DCDC1: variants seen among roughly 807,000 people sequenced by gnomAD.
DCDC1 encodes the protein doublecortin domain-containing protein 1.
DCDC1 carries 200 observed loss-of-function variants against 178.3 expected under a neutral mutation model. The ratio of observed to expected loss-of-function variants is 1.12; its 90% CI spans 1.00 to 1.26. The LOEUF (loss-of-function observed/expected upper bound fraction) is 1.26, where lower values mean the gene tolerates loss of function less well. DCDC1 is among the 50% of genes most tolerant of loss of function. The pLI is 0.00. For missense variants in DCDC1, 1,983 were observed against 1,749.2 expected (o/e 1.13, Z -2.38); for synonymous variants, 690 against 604.8 (o/e 1.14, Z -2.07).
At chr11:31,005,957 A>AC (rs1951819270) in intron 20 of DCDC1, among the ~76,000 whole-genome samples, 2 of 145,492 alleles carry the variant, frequency 1.4e-5, no homozygotes, top group South Asian at 4.3e-4. Context: ...TTCCTGAAAA[A>AC]AAAAAAAAAA....
intron 38 of DCDC1, among the ~76,000 whole-genome samples, chr11:30,875,585 C>G (rs1942043471): frequency 6.6e-6 from 1 of 151,884 alleles, no homozygotes. Flanking sequence ...TCACAAATCT[C>G]TCAATGGCAC....
At chr11:31,055,465 T>C (rs1955523092) in intron 20 of DCDC1, among the ~76,000 whole-genome samples, 1 of 152,142 alleles carries the variant, frequency 6.6e-6, no homozygotes, top group Non-Finnish European at 1.5e-5. Context: ...GAACTAAAAG[T>C]AGAACTACCA....
chr11:31,024,862 G>A (rs2135232702), intron 20 of DCDC1, among the ~76,000 whole-genome samples: 1 of 151,924 alleles, frequency 6.6e-6, no homozygotes, highest in African/African-American at 2.4e-5. Flanking sequence ...ATGAAATATG[G>A]TTTATTTAGC....
intron 7 of DCDC1, among the ~76,000 whole-genome samples, chr11:31,284,199 G>A (rs545077659): frequency 2.0e-5 from 3 of 152,220 alleles, no homozygotes; most frequent in East Asian, 3.9e-4. Flanking sequence ...GGAAATAATG[G>A]TTATGTTAAA....
intron 11 of DCDC1, among the ~76,000 whole-genome samples, chr11:31,115,996 T>TGGGGGGGG (rs1555066794): frequency 2.1e-3 from 96 of 44,900 alleles, no homozygotes; most frequent in Admixed American, 3.6e-3. Flanking sequence ...GGGGGGGGGA[T>TGGGGGGGG]GGGTATCTCA....
At chr11:31,254,546 T>C (rs1160343351) in intron 8 of DCDC1, among the ~76,000 whole-genome samples, 2 of 152,248 alleles carry the variant, frequency 1.3e-5, no homozygotes, top group Non-Finnish European at 2.9e-5. Context: ...TAGCTTACTA[T>C]ATTTGGTACA....
In DCDC1 at chr11:31,328,945, C is replaced by CTTTT. The variant is rs1176942329; in HGVS notation, c.-6-663_-6-660dup. On this transcript the variant is annotated intron_variant, in intron 2 of 38. Coordinates refer to ENST00000684477, the MANE Select transcript of DCDC1 (RefSeq NM_001387274.1). Reference sequence around the variant, plus strand: ...GTTACTGAAAAAGCACACCACAAGGCTTTTTTTTTTTTTTTTTTTTTTTTT... The same window carrying CTTTT: ...GTTACTGAAAAAGCACACCACAAGGCTTTTTTTTTTTTTTTTTTTTTTTTTTTTT... Among the ~76,000 whole-genome samples, 78 of 47,798 alleles carry CTTTT rather than the reference C, an allele frequency of 1.6e-3. 10 individuals are homozygous for CTTTT. The highest frequency in any genetic ancestry group is 2.3e-3 in the Non-Finnish European group (55 of 23,764). The allele number at this position is 47,798 out of a possible 152,430, so 31.4% of individuals were successfully genotyped here. A position where few individuals can be genotyped will look rare whatever the true frequency, so the allele number is the denominator to read the frequency against.
At position 31,152,222 on chromosome 11, in the gene DCDC1, A is replaced by G. The variant is rs539496279; in HGVS notation, c.1222-14438T>C. On this transcript the variant is annotated intron_variant, in intron 9 of 38. Transcript: ENST00000684477. ...AAGTTTGGAATAGGGATAGAAGCAC[A>G]CTGTCTTTTTATTTTCGTAATCCTT... is the stretch of plus-strand genomic sequence containing the variant. Among the ~76,000 whole-genome samples the G allele has an allele frequency of 2.6e-5, 4 of 152,316 alleles. No individual in the cohort carries two copies. The South Asian group carries it at 8.3e-4, about 32-fold the overall frequency.
chr11:31,241,210 G>C (rs1178196085), intron 9 of DCDC1, among the ~76,000 whole-genome samples: 1 of 151,900 alleles, frequency 6.6e-6, no homozygotes, highest in Non-Finnish European at 1.5e-5. Flanking sequence ...ACTTTGCCCA[G>C]TATGCGCTGC....
At chr11:31,338,211 A>C (rs1349636823) in intron 1 of DCDC1, among the ~76,000 whole-genome samples, 1 of 152,090 alleles carries the variant, frequency 6.6e-6, no homozygotes, top group African/African-American at 2.4e-5. Flanking sequence ...ACCACTATAA[A>C]CCAGTGACTC....
chr11:31,327,852 C>T (rs750923973), intron 3 of DCDC1, among the ~76,000 whole-genome samples: 14 of 152,038 alleles, frequency 9.2e-5, no homozygotes, highest in Non-Finnish European at 1.8e-4. Context: ...CTTAGCCTTC[C>T]GAGTAGCTGA....
chr11:31,207,203 G>A (rs2136484920), intron 9 of DCDC1, among the ~76,000 whole-genome samples: 1 of 152,232 alleles, frequency 6.6e-6, no homozygotes, highest in Admixed American at 6.5e-5. Flanking sequence ...GACAACATAT[G>A]TAAAAGTGCT....
chr11:31,294,866 GAAAA>G (rs1236633335), intron 6 of DCDC1, among the ~76,000 whole-genome samples: 15 of 136,296 alleles, frequency 1.1e-4, no homozygotes, highest in South Asian at 4.9e-4. Context: ...AAGAAAGAAA[GAAAA>G]AGAAAACAGA....
chr11:31,093,578 A>C (rs1957947557), intron 16 of DCDC1, among the ~76,000 whole-genome samples: 1 of 152,234 alleles, frequency 6.6e-6, no homozygotes, highest in Non-Finnish European at 1.5e-5. Context: ...ACCAACACAC[A>C]GGAACAAAAT....
chr11:31,021,661 A>ATT (rs1952888784), intron 20 of DCDC1, among the ~76,000 whole-genome samples: 1 of 152,128 alleles, frequency 6.6e-6, no homozygotes, highest in South Asian at 2.1e-4. Flanking sequence ...AAAAATTGTT[A>ATT]TTATATACCT....
intron 36 of DCDC1, among the ~76,000 whole-genome samples, chr11:30,887,880 AAGCCTGT>A (rs1241968556): frequency 2.0e-5 from 3 of 151,708 alleles, no homozygotes; most frequent in African/African-American, 7.3e-5. Context: ...ATTGTGGTGC[AAGCCTGT>A]AGTCCCAGAT....
intron 37 of DCDC1, 130 bp from the exon 38 acceptor site, chr11:30,878,841 A>G (rs906333708): frequency 4.0e-6 from 3 of 748,632 alleles, no homozygotes; most frequent in African/African-American, 3.6e-5. Flanking sequence ...CTCTCTCATT[A>G]CAACTTTGAC....
chr11:31,302,764 C>T (rs1000502148), intron 6 of DCDC1, among the ~76,000 whole-genome samples: 20 of 152,088 alleles, frequency 1.3e-4, no homozygotes, highest in Middle Eastern at 6.8e-3. Context: ...GCTCAAAAGG[C>T]GTAGTAAAAT....
intron 20 of DCDC1, among the ~76,000 whole-genome samples, chr11:31,014,010 C>T (rs1484490112): frequency 6.6e-6 from 1 of 152,130 alleles, no homozygotes; most frequent in Non-Finnish European, 1.5e-5. Context: ...TGTCTAGTTC[C>T]CTCCTAGACT....
Sources: gnomAD v4.1 joint callset for allele counts (sites outside exome capture counted in the v4.1 genomes callset) on GRCh38, gnomAD v4.1.1 for gene constraint, MANE v1.5 for transcripts, NCBI Gene and HGNC (gene_info 2026-07-23, HGNC 2026-07-21) for gene names.